Variants in FBN2 observed in about 807,000 individuals in gnomAD.
FBN2 encodes fibrillin 2.
FBN2 carries 105 observed loss-of-function variants against 355.6 expected under a neutral mutation model. That is an observed-to-expected ratio of 0.30 (90% confidence interval 0.25 to 0.35). FBN2 has a LOEUF of 0.35. Ranked by LOEUF, FBN2 falls within the 10% of genes least tolerant of loss-of-function variation. The pLI, the probability that FBN2 is intolerant of heterozygous loss-of-function variation, is 1.00. For synonymous variants in FBN2, 1,350 were observed against 1,301.2 expected, an observed-to-expected ratio of 1.04 and a Z score of -0.81; for missense variants, 3,280 against 3,758.7, an observed-to-expected ratio of 0.87 and a Z score of 3.33.
At position 128,289,862 on chromosome 5, in the gene FBN2, T is replaced by C; in HGVS notation, c.6511+20A>G. ...TGTGTATTAAATAAGAATATAGGAA[T>C]AAAATATATCAAAGCGTACCTTCAC... On this transcript the variant is annotated intron_variant, in intron 51 of 64. Coordinates refer to ENST00000262464, the MANE Select transcript of FBN2 (RefSeq NM_001999.4). 1 of 1,433,586 alleles carries C rather than the reference T, an allele frequency of 7.0e-7. No homozygotes were observed. The highest frequency in any genetic ancestry group is 9.8e-7 in the Non-Finnish European group (1 of 1,016,982). The allele number at this position is 1,433,586 out of a possible 1,614,324, so 88.8% of individuals were successfully genotyped here.
intron 5 of FBN2, among the ~76,000 whole-genome samples, chr5:128,505,524 G>A (rs958411842): frequency 6.6e-6 from 1 of 152,008 alleles, no homozygotes; most frequent in Admixed American, 6.6e-5. Context: ...TACATGTATG[G>A]TTTTATACAT....
At chr5:128,263,928 G>A (rs952259946) in intron 62 of FBN2, among the ~76,000 whole-genome samples, 2 of 152,158 alleles carry the variant, frequency 1.3e-5, no homozygotes, top group East Asian at 1.9e-4. Flanking sequence ...AGTTTGCCTA[G>A]TGAATAACTC....
At chr5:128,360,810 A>C (rs1489603595) in intron 19 of FBN2, among the ~76,000 whole-genome samples, 1 of 142,956 alleles carries the variant, frequency 7.0e-6, no homozygotes, top group African/African-American at 2.5e-5. Context: ...GTGGCATCAC[A>C]AAAAAAAAAA....
At chr5:128,426,903 A>T (rs773718454) in intron 7 of FBN2, among the ~76,000 whole-genome samples, 1 of 151,968 alleles carries the variant, frequency 6.6e-6, no homozygotes, top group Non-Finnish European at 1.5e-5. Flanking sequence ...CATCTCCTGC[A>T]CCTCTAAATG....
chr5:128,435,004 A>C (rs1451857838), intron 7 of FBN2, among the ~76,000 whole-genome samples: 1 of 152,114 alleles, frequency 6.6e-6, no homozygotes, highest in African/African-American at 2.4e-5. Context: ...GAATTACTTT[A>C]CCATGCTTTT....
intron 11 of FBN2, among the ~76,000 whole-genome samples, chr5:128,381,417 T>C (rs1165633466): frequency 6.6e-6 from 1 of 152,084 alleles, no homozygotes; most frequent in Non-Finnish European, 1.5e-5. Flanking sequence ...CAAACAGCAA[T>C]GGCAGTTTGT....
At chr5:128,475,939 G>C (rs1219508774) in intron 5 of FBN2, among the ~76,000 whole-genome samples, 3 of 152,202 alleles carry the variant, frequency 2.0e-5, no homozygotes, top group African/African-American at 7.2e-5. Flanking sequence ...CAGGAACTGA[G>C]AGATAGCAAA....
intron 5 of FBN2, among the ~76,000 whole-genome samples, chr5:128,475,750 G>A (rs1754992476): frequency 6.6e-6 from 1 of 152,114 alleles, no homozygotes; most frequent in African/African-American, 2.4e-5. Flanking sequence ...TCCATTTCCA[G>A]AAAGAACAGT....
intron 5 of FBN2, among the ~76,000 whole-genome samples, chr5:128,465,851 T>A (rs1174582701): frequency 6.6e-6 from 1 of 152,170 alleles, no homozygotes; most frequent in Admixed American, 6.5e-5. Context: ...AGCAACAGCA[T>A]CACTTTGGGG....
intron 56 of FBN2, among the ~76,000 whole-genome samples, chr5:128,279,654 C>T (rs1376105310): frequency 6.6e-6 from 1 of 152,080 alleles, no homozygotes; most frequent in Non-Finnish European, 1.5e-5. Context: ...TTGAATTTTA[C>T]TACAGCACAC....
intron 5 of FBN2, among the ~76,000 whole-genome samples, chr5:128,505,136 G>A (rs1755921740): frequency 6.6e-6 from 1 of 152,180 alleles, no homozygotes; most frequent in African/African-American, 2.4e-5. Context: ...GTGGAACTGT[G>A]TGTCAATTAA....
At chr5:128,507,777 T>TA (rs1581357930) in intron 5 of FBN2, among the ~76,000 whole-genome samples, 2 of 152,236 alleles carry the variant, frequency 1.3e-5, no homozygotes, top group East Asian at 3.9e-4. Flanking sequence ...AAGTGTTCTA[T>TA]AAATATTAAA....
intron 16 of FBN2, 44 bp downstream of exon 16, chr5:128,369,138 T>C (rs1044169046): frequency 3.1e-6 from 5 of 1,603,526 alleles, no homozygotes; most frequent in Non-Finnish European, 3.4e-6. Flanking sequence ...TAAGGTTGTA[T>C]TTCTTGATTC....
chr5:128,289,037 C>G, intron 52 of FBN2, 90 bp downstream of exon 52: 1 of 1,346,382 alleles, frequency 7.4e-7, no homozygotes, highest in Non-Finnish European at 1.1e-6. Flanking sequence ...TGTAAATCCC[C>G]CCATCACCCA....
chr5:128,426,130 C>A (rs1173929354), intron 7 of FBN2, among the ~76,000 whole-genome samples: 1 of 152,064 alleles, frequency 6.6e-6, no homozygotes, highest in Non-Finnish European at 1.5e-5. Flanking sequence ...ATTCTCTATG[C>A]AAAACGACAA....
At chr5:128,468,507 C>T (rs1754773089) in intron 5 of FBN2, among the ~76,000 whole-genome samples, 1 of 152,176 alleles carries the variant, frequency 6.6e-6, no homozygotes, top group African/African-American at 2.4e-5. Flanking sequence ...TGTTATTTGA[C>T]AAATATACAT....
intron 11 of FBN2, among the ~76,000 whole-genome samples, chr5:128,380,503 T>C (rs1752203023): frequency 6.6e-6 from 1 of 152,080 alleles, no homozygotes; most frequent in African/African-American, 2.4e-5. Context: ...TCCTTGTTAC[T>C]ATGGCAGCTC....
chr5:128,464,815 C>T lies in FBN2; in HGVS notation c.735G>A (p.Arg245=). The part of the protein sequence containing the change: ...TKTLCCATIG[R]AWGHPCEMCP... Reference sequence around the variant, plus strand: ...ACATCTCACAGGGATGGCCCCACGCCCGTCCAATGGTGGCACAGCACAGAG... The same window carrying T: ...ACATCTCACAGGGATGGCCCCACGCTCGTCCAATGGTGGCACAGCACAGAG... The change falls in exon 6 of 65, where the codon CGG becomes CGA. Residue 245 remains arginine, a synonymous_variant. Coordinates refer to ENST00000262464, the MANE Select transcript of FBN2 (RefSeq NM_001999.4). 4 of 1,614,244 alleles carry T rather than the reference C, an allele frequency of 2.5e-6. No homozygotes were observed. The highest frequency in any genetic ancestry group is 2.7e-5 in the African/African-American group (2 of 75,070).
chr5:128,376,492 A>T (rs1435179615), intron 14 of FBN2, among the ~76,000 whole-genome samples: 1 of 152,232 alleles, frequency 6.6e-6, no homozygotes, highest in African/African-American at 2.4e-5. Context: ...TGCTAAAACC[A>T]ATCTGTCAGT....
Sources: gnomAD v4.1 joint callset for allele counts (sites outside exome capture counted in the v4.1 genomes callset) on GRCh38, gnomAD v4.1.1 for gene constraint, MANE v1.5 for transcripts, NCBI Gene and HGNC (gene_info 2026-07-23, HGNC 2026-07-21) for gene names.